DGKH: variants seen among roughly 807,000 people sequenced by gnomAD.
DGKH encodes diacylglycerol kinase eta.
DGKH carries 90 observed loss-of-function variants against 159.3 expected under a neutral mutation model. The observed-to-expected ratio is 0.57, with a 90% CI of 0.48 to 0.67. The LOEUF (loss-of-function observed/expected upper bound fraction) is 0.67. DGKH is among the 30% of genes least tolerant of loss of function. The pLI, the probability that DGKH is intolerant of heterozygous loss-of-function variation, is 0.00. For synonymous variants in DGKH, 536 were observed against 553.8 expected, an observed-to-expected ratio of 0.97 and a Z score of 0.45; for missense variants, 1,181 against 1,506.1, an observed-to-expected ratio of 0.78 and a Z score of 3.57.
chr13:42,240,189 A>G lies in DGKH; in HGVS notation c.*11001A>G, dbSNP rs1281943045. 6.6e-6 allele frequency: 1 copy of G among 152,224 alleles called. No individual in the cohort carries two copies. Among genetic ancestry groups the G allele is most frequent in the East Asian group, 1.9e-4 (1 of 5,198 alleles). 9.4% of individuals were successfully genotyped at this position (152,224 alleles called of 1,614,324 possible). On this transcript the variant is annotated 3_prime_UTR_variant, in exon 30 of 30. Transcript: ENST00000337343. The stretch of plus-strand genomic sequence containing the variant: ...GGTAATAGAAAACCCGAACTTCTCT[A>G]TATTTGTGTACTTTCACAAACAAAG...
At chr13:42,064,897 C>G (rs1480557827) in intron 1 of DGKH, among the ~76,000 whole-genome samples, 1 of 151,524 alleles carries the variant, frequency 6.6e-6, no homozygotes. Context: ...TTTAAATTTA[C>G]AAATGAAACC....
rs1958379788 is a variant in DGKH, at chr13:42,234,668, A to G, written c.*5480A>G. The G allele has an allele frequency of 6.6e-6, 1 of 152,228 alleles. No homozygotes were observed. Among genetic ancestry groups the G allele is most frequent in the African/African-American group, 2.4e-5 (1 of 41,454 alleles). The allele number at this position is 152,228 out of a possible 1,614,324, so 9.4% of individuals were successfully genotyped here. On this transcript the variant is annotated 3_prime_UTR_variant, in exon 30 of 30. Transcript: ENST00000337343. ...TTTAGATCAGCTGAAAAGAAGAGTG[A>G]GAATTGAAAATTCCTCCACTAGTAA...
intron 1 of DGKH, among the ~76,000 whole-genome samples, chr13:42,054,184 A>G (rs1040192879): frequency 6.6e-6 from 1 of 152,224 alleles, no homozygotes; most frequent in African/African-American, 2.4e-5. Context: ...GCAGCCCATT[A>G]CTGGGTCATA....
At chr13:42,215,770 C>T (rs1439682142) in intron 26 of DGKH, 103 bp downstream of exon 26, 7 of 1,018,708 alleles carry the variant, frequency 6.9e-6, no homozygotes, top group African/African-American at 4.8e-5. Flanking sequence ...GCAGAAGCAG[C>T]CTTCTGGCTT....
chr13:42,108,702 G>T (rs1954807157), intron 1 of DGKH, among the ~76,000 whole-genome samples: 1 of 152,166 alleles, frequency 6.6e-6, no homozygotes, highest in South Asian at 2.1e-4. Context: ...TTTATTTTAG[G>T]AGTTATGTAT....
intron 3 of DGKH, among the ~76,000 whole-genome samples, chr13:42,131,311 G>A (rs1340985746): frequency 1.3e-5 from 2 of 152,172 alleles, no homozygotes; most frequent in Non-Finnish European, 2.9e-5. Context: ...TATATGAAGA[G>A]AGGAGGAATA....
chr13:42,096,457 A>G (rs1468397252), intron 1 of DGKH, among the ~76,000 whole-genome samples: 4 of 152,168 alleles, frequency 2.6e-5, no homozygotes, highest in Admixed American at 2.0e-4. Flanking sequence ...TCCGTGGTGT[A>G]TATGTACCAC....
At position 42,232,907 on chromosome 13, in the gene DGKH, T is replaced by C. The variant is rs1312818751; in HGVS notation, c.*3719T>C. 2.0e-5 allele frequency: 3 copies of C among 152,216 alleles called. No homozygotes were observed. The highest frequency in any genetic ancestry group is 3.8e-4 in the East Asian group (2 of 5,200). 9.4% of individuals were successfully genotyped at this position (152,216 alleles called of 1,614,324 possible). A position where few individuals can be genotyped will look rare whatever the true frequency, so the allele number is the denominator to read the frequency against. ...GACTCAGGAGGCTTAGGAGGGAAGA[T>C]GGCTTCAGGCCAGGAGTTTGAGACC... On this transcript the variant is annotated 3_prime_UTR_variant, in exon 30 of 30. Coordinates refer to ENST00000337343, the MANE Select transcript of DGKH (RefSeq NM_178009.5).
chr13:42,053,738 C>T (rs1325260123), intron 1 of DGKH, among the ~76,000 whole-genome samples: 4 of 151,744 alleles, frequency 2.6e-5, no homozygotes, highest in African/African-American at 9.7e-5. Context: ...CCTGTCTCAG[C>T]CTCCTGAGTT....
rs531373949 is a variant in DGKH, at chr13:42,211,194, G to C, written c.3014+429G>C. Among the ~76,000 whole-genome samples the C allele has an allele frequency of 9.2e-5, 14 of 152,270 alleles. No individual in the cohort carries two copies. In the South Asian group the frequency reaches 2.5e-3, roughly 27 times the overall value. ...AAACAAATAAAAATCACTATGACCA[G>C]GGAAAACTTCAGAGGGGAGGAGGGA... On this transcript the variant is annotated intron_variant, in intron 24 of 29. Coordinates refer to ENST00000337343, the MANE Select transcript of DGKH (RefSeq NM_178009.5).
At chr13:42,221,700 C>A (rs975395072) in intron 29 of DGKH, among the ~76,000 whole-genome samples, 2 of 152,140 alleles carry the variant, frequency 1.3e-5, no homozygotes, top group African/African-American at 4.8e-5. Flanking sequence ...TCCATCAGCT[C>A]ATTTTATTGC....
intron 21 of DGKH, among the ~76,000 whole-genome samples, chr13:42,207,096 T>TTCTTG (rs1555276089): frequency 3.6e-5 from 5 of 139,068 alleles, no homozygotes; most frequent in African/African-American, 1.4e-4. Context: ...TTTCTTTCTT[T>TTCTTG]CTTTCTTTCT....
chr13:42,227,260 A>G (rs1176299477), intron 29 of DGKH, among the ~76,000 whole-genome samples: 2 of 152,196 alleles, frequency 1.3e-5, no homozygotes, highest in African/African-American at 4.8e-5. Flanking sequence ...CTGGAACTTA[A>G]AATTAAATTA....
intron 1 of DGKH, among the ~76,000 whole-genome samples, chr13:42,050,868 C>T (rs1028988422): frequency 2.7e-5 from 4 of 150,556 alleles, no homozygotes; most frequent in African/African-American, 5.0e-5. Context: ...AACAAACAAG[C>T]AAACAAACAA....
At chr13:42,056,945 A>G (rs554853428) in intron 1 of DGKH, among the ~76,000 whole-genome samples, 2 of 152,138 alleles carry the variant, frequency 1.3e-5, no homozygotes, top group African/African-American at 4.8e-5. Flanking sequence ...AGGTTTCATC[A>G]TGCCGTTTTG....
At chr13:42,061,590 A>G (rs988469903) in intron 1 of DGKH, among the ~76,000 whole-genome samples, 1 of 152,024 alleles carries the variant, frequency 6.6e-6, no homozygotes, top group Non-Finnish European at 1.5e-5. Context: ...AACCTTTATT[A>G]TCTGTCATTT....
chr13:42,144,874 T>A (rs1955681063), intron 3 of DGKH, among the ~76,000 whole-genome samples: 1 of 152,200 alleles, frequency 6.6e-6, no homozygotes, highest in African/African-American at 2.4e-5. Context: ...CCCACCCTTT[T>A]AAATAGGATT....
chr13:42,125,181 C>A (rs1048007306), intron 1 of DGKH, among the ~76,000 whole-genome samples: 1 of 152,214 alleles, frequency 6.6e-6, no homozygotes, highest in African/African-American at 2.4e-5. Flanking sequence ...CTCTTGTCTC[C>A]TATAACCTCC....
At chr13:42,161,368 G>C (rs367683493) in intron 7 of DGKH, among the ~76,000 whole-genome samples, 3 of 152,236 alleles carry the variant, frequency 2.0e-5, no homozygotes, top group African/African-American at 7.2e-5. Context: ...AGAAAACACG[G>C]CCGGGCGCGG....
Sources: allele counts gnomAD v4.1 joint callset (sites outside exome capture counted in the v4.1 genomes callset), GRCh38; gene constraint gnomAD v4.1.1; transcripts MANE v1.5; gene names NCBI Gene and HGNC (gene_info 2026-07-23, HGNC 2026-07-21).